The following CASQ2 variants were observed in gnomAD, a reference collection of about 807,000 sequenced individuals.
The protein encoded by CASQ2 is calsequestrin-2.
A neutral mutation model predicts 46.5 loss-of-function variants in CASQ2; 49 were observed. The ratio of observed to expected loss-of-function variants is 1.05; its 90% CI spans 0.84 to 1.34. The LOEUF (loss-of-function observed/expected upper bound fraction) is 1.34, where lower values mean the gene tolerates loss of function less well. CASQ2 is among the 40% of genes most tolerant of loss of function. CASQ2 has a pLI of 0.00. For synonymous variants in CASQ2, 174 were observed against 168.5 expected (o/e 1.03, Z -0.25); for missense variants, 486 against 481.3 (o/e 1.01, Z -0.09).
intron 1 of CASQ2, among the ~76,000 whole-genome samples, chr1:115,751,447 A>T (rs12691519): frequency 0.61 from 92,428 of 151,544 alleles, 28,865 homozygotes; most frequent in Non-Finnish European, 0.68. Context: ...GGCAGGCGGA[A>T]CACGAGGTCA....
In CASQ2 at chr1:115,722,335, C is replaced by T. The variant is rs959078213; in HGVS notation, c.783+3173G>A. Among the ~76,000 whole-genome samples the T allele has an allele frequency of 9.9e-5, 15 of 152,144 alleles. 1 individual carries two copies. Among genetic ancestry groups the T allele is most frequent in the South Asian group, 4.1e-4 (2 of 4,822 alleles). On this transcript the variant is annotated intron_variant, in intron 7 of 10. Coordinates refer to ENST00000261448, the MANE Select transcript of CASQ2 (RefSeq NM_001232.4). ...CATTATTTTATATTATAGCAAAAGG[C>T]TGTATTTTATCTTATTCATTAAATG...
chr1:115,729,235 A>C (rs972300657), intron 5 of CASQ2, among the ~76,000 whole-genome samples: 5 of 151,626 alleles, frequency 3.3e-5, no homozygotes, highest in African/African-American at 1.2e-4. Flanking sequence ...TTTTTAGTAG[A>C]GATGGGGTTT....
chr1:115,723,305 T>TATTTATCTATCTATCTATCTATC (rs1647455098), intron 7 of CASQ2, among the ~76,000 whole-genome samples: 1 of 148,748 alleles, frequency 6.7e-6, no homozygotes. Flanking sequence ...ATCTATCTAT[T>TATTTATCTATCTATCTATCTATC]TATCTATCTA....
At chr1:115,720,667 G>A (rs1386077425) in intron 7 of CASQ2, among the ~76,000 whole-genome samples, 2 of 152,200 alleles carry the variant, frequency 1.3e-5, no homozygotes, top group African/African-American at 2.4e-5. Flanking sequence ...AAGAACCGGA[G>A]ATTTGGGAAT....
chr1:115,736,211 T>C (rs1418594008), intron 4 of CASQ2, among the ~76,000 whole-genome samples: 1 of 151,678 alleles, frequency 6.6e-6, no homozygotes, highest in African/African-American at 2.4e-5. Flanking sequence ...TGTCCTCCCA[T>C]TTGTCACTAT....
At chr1:115,726,611 A>G (rs190302155) in intron 6 of CASQ2, among the ~76,000 whole-genome samples, 77 of 152,352 alleles carry the variant, frequency 5.1e-4, no homozygotes, top group Middle Eastern at 3.4e-3. Flanking sequence ...TAAAATTGGG[A>G]TAATAATAAT....
At chr1:115,734,933 G>A (rs1412080894) in intron 4 of CASQ2, among the ~76,000 whole-genome samples, 1 of 152,142 alleles carries the variant, frequency 6.6e-6, no homozygotes, top group African/African-American at 2.4e-5. Flanking sequence ...AAATAAACAT[G>A]TCAAAATAGA....
intron 1 of CASQ2, among the ~76,000 whole-genome samples, chr1:115,756,983 C>A (rs554399044): frequency 2.0e-5 from 3 of 151,964 alleles, no homozygotes; most frequent in Non-Finnish European, 4.4e-5. Flanking sequence ...AAAACTTATA[C>A]CTTTGGGAGG....
At chr1:115,724,516 C>T (rs1021754757) in intron 7 of CASQ2, among the ~76,000 whole-genome samples, 12 of 152,068 alleles carry the variant, frequency 7.9e-5, no homozygotes, top group African/African-American at 2.9e-4. Context: ...TTGGAAGATC[C>T]AAATAAAAAG....
chr1:115,735,048 C>T (rs1365586476), intron 4 of CASQ2, among the ~76,000 whole-genome samples: 2 of 152,120 alleles, frequency 1.3e-5, no homozygotes, highest in South Asian at 2.1e-4. Flanking sequence ...TTTGAATGTC[C>T]AAGTTCATGT....
intron 1 of CASQ2, among the ~76,000 whole-genome samples, chr1:115,755,827 G>C (rs1173692088): frequency 1.3e-5 from 2 of 152,304 alleles, no homozygotes; most frequent in South Asian, 2.1e-4. Context: ...TATAAAGGAA[G>C]CACTCAGCCT....
intron 1 of CASQ2, among the ~76,000 whole-genome samples, chr1:115,756,923 G>A (rs1648783426): frequency 6.6e-6 from 1 of 152,056 alleles, no homozygotes; most frequent in South Asian, 2.1e-4. Context: ...CTCCAGCCGG[G>A]GAGCCTGGGT....
chr1:115,738,899 T>C (rs6428703), intron 3 of CASQ2, among the ~76,000 whole-genome samples: 1 of 148,582 alleles, frequency 6.7e-6, no homozygotes, highest in Non-Finnish European at 1.5e-5. Flanking sequence ...CACCCCATCC[T>C]GCTTTTGGCA....
chr1:115,709,376 G>C (rs1021151935), intron 8 of CASQ2, among the ~76,000 whole-genome samples: 1 of 152,222 alleles, frequency 6.6e-6, no homozygotes, highest in African/African-American at 2.4e-5. Context: ...ATGAATGACT[G>C]AGTTTAAAAT....
intron 8 of CASQ2, among the ~76,000 whole-genome samples, chr1:115,706,577 G>T (rs1214794934): frequency 6.6e-6 from 1 of 152,162 alleles, no homozygotes; most frequent in Non-Finnish European, 1.5e-5. Context: ...CCACTCAGTG[G>T]TATACACTCA....
intron 8 of CASQ2, among the ~76,000 whole-genome samples, chr1:115,710,946 A>G (rs1257317405): frequency 1.3e-5 from 2 of 152,134 alleles, no homozygotes; most frequent in Admixed American, 6.5e-5. Context: ...GACTGGTGGG[A>G]ATGAGCCTTC....
At chr1:115,745,314 G>C (rs1229372091) in intron 1 of CASQ2, among the ~76,000 whole-genome samples, 1 of 152,156 alleles carries the variant, frequency 6.6e-6, no homozygotes, top group Non-Finnish European at 1.5e-5. Context: ...GAACACAAGA[G>C]GACCTAAGAA....
intron 5 of CASQ2, among the ~76,000 whole-genome samples, chr1:115,729,827 T>C (rs1207805609): frequency 1.3e-5 from 2 of 152,170 alleles, no homozygotes; most frequent in Admixed American, 1.3e-4. Context: ...ATCTATCTTC[T>C]CCACTAACTT....
intron 4 of CASQ2, among the ~76,000 whole-genome samples, chr1:115,733,657 G>T (rs1490418329): frequency 1.3e-5 from 2 of 152,142 alleles, no homozygotes; most frequent in African/African-American, 4.8e-5. Context: ...TACACCTGGG[G>T]AGTTACTTGG....
Sources: gnomAD v4.1 joint callset for allele counts (sites outside exome capture counted in the v4.1 genomes callset) on GRCh38, gnomAD v4.1.1 for gene constraint, MANE v1.5 for transcripts, NCBI Gene and HGNC (gene_info 2026-07-23, HGNC 2026-07-21) for gene names.